The following CPVL variants were observed in gnomAD, a reference collection of about 807,000 sequenced individuals.
CPVL encodes the protein carboxypeptidase vitellogenic like.
A neutral mutation model predicts 63.7 loss-of-function variants in CPVL; 51 were observed. The observed-to-expected ratio is 0.80, with a 90% CI of 0.64 to 1.01. The LOEUF is 1.01. CPVL is among the 50% of genes least tolerant of loss of function. The pLI is 0.00. For missense variants in CPVL, 530 were observed against 573.1 expected (o/e 0.92, Z 0.77); for synonymous variants, 195 against 206.0 (o/e 0.95, Z 0.46).
chr7:29,076,895 A>AT (rs200126147), intron 7 of CPVL, among the ~76,000 whole-genome samples: 271 of 151,958 alleles, frequency 1.8e-3, no homozygotes, highest in African/African-American at 6.1e-3. Context: ...TTGGTTTGCG[A>AT]TTTTTTTTTC....
intron 11 of CPVL, among the ~76,000 whole-genome samples, chr7:29,057,010 G>A (rs148026421): frequency 6.8e-6 from 1 of 147,298 alleles, no homozygotes; most frequent in Non-Finnish European, 1.5e-5. Context: ...GAGTACGGTG[G>A]CACAGTCATG....
intron 1 of CPVL, chr7:29,191,495 G>C (rs1164920047): frequency 6.6e-6 from 1 of 152,254 alleles, no homozygotes; most frequent in African/African-American, 2.4e-5. Context: ...CACCATGAAA[G>C]AGGGTTGCCT....
intron 3 of CPVL, among the ~76,000 whole-genome samples, chr7:29,101,007 C>G (rs1031110652): frequency 6.6e-6 from 1 of 152,262 alleles, no homozygotes; most frequent in Admixed American, 6.5e-5. Flanking sequence ...TCATGATATG[C>G]AGTATAATAT....
At chr7:28,996,121 A>T in intron 12 of CPVL, 1 of 410,210 alleles carries the variant, frequency 2.4e-6, no homozygotes, top group East Asian at 4.7e-5. Context: ...TTCTTTTCTC[A>T]TGAGTGTAAA....
chr7:29,144,615 G>C (rs1190234721), intron 1 of CPVL, among the ~76,000 whole-genome samples: 2 of 152,080 alleles, frequency 1.3e-5, no homozygotes, highest in African/African-American at 4.8e-5. Flanking sequence ...CTAATAAACA[G>C]ATATCTGATG....
intron 3 of CPVL, among the ~76,000 whole-genome samples, chr7:29,111,538 C>T (rs1788231771): frequency 6.6e-6 from 1 of 152,226 alleles, no homozygotes; most frequent in Non-Finnish European, 1.5e-5. Flanking sequence ...GAAGCCCTCT[C>T]TAGGGGCCAA....
intron 3 of CPVL, among the ~76,000 whole-genome samples, chr7:29,111,078 T>C (rs116334960): frequency 2.6e-5 from 4 of 152,366 alleles, no homozygotes; most frequent in African/African-American, 9.6e-5. Flanking sequence ...GTCAGACTTC[T>C]AATCTGCAGA....
At chr7:28,994,732 C>T (rs1326503152), downstream of CPVL, among the ~76,000 whole-genome samples, 3 of 152,162 alleles carry the variant, frequency 2.0e-5, no homozygotes, top group African/African-American at 2.4e-5. Flanking sequence ...TCAGGCACAA[C>T]ATGAGAAATT....
intron 10 of CPVL, among the ~76,000 whole-genome samples, chr7:29,065,306 A>T (rs1783041120): frequency 1.3e-5 from 2 of 152,230 alleles, no homozygotes; most frequent in South Asian, 4.1e-4. Flanking sequence ...TAAATCCAAA[A>T]CTGCAGCATT....
At position 29,038,762 on chromosome 7, in the gene CPVL, C is replaced by T. The variant is rs151227460; in HGVS notation, c.1138-8003G>A. ...TCATGGGTAAAAAAGATCAGTAGGT[C>T]TCAATCCAACACTATCCATTTATTT... On this transcript the variant is annotated intron_variant, in intron 11 of 12. Coordinates refer to ENST00000265394, the MANE Select transcript of CPVL (RefSeq NM_031311.5). 1.6e-3 allele frequency among the ~76,000 whole-genome samples: 239 copies of T among 152,332 alleles called. 1 individual carries two copies. Among genetic ancestry groups the T allele is most frequent in the African/African-American group, 5.3e-3 (220 of 41,574 alleles).
chr7:29,120,752 C>T (rs1453437580), intron 2 of CPVL, 141 bp downstream of exon 2: 2 of 708,470 alleles, frequency 2.8e-6, no homozygotes, highest in Non-Finnish European at 4.5e-6. Flanking sequence ...ACCCGGGAGG[C>T]GGAGGTTGCA....
intron 11 of CPVL, among the ~76,000 whole-genome samples, chr7:29,040,259 C>T (rs1788939776): frequency 6.6e-6 from 1 of 152,166 alleles, no homozygotes; most frequent in Non-Finnish European, 1.5e-5. Flanking sequence ...AGTGCCTTCC[C>T]CCTAAGCAGA....
chr7:29,021,757 G>A (rs1282415748), intron 12 of CPVL, among the ~76,000 whole-genome samples: 1 of 151,856 alleles, frequency 6.6e-6, no homozygotes, highest in Non-Finnish European at 1.5e-5. Context: ...CATCCCCTGA[G>A]ATTCAAGCAG....
At chr7:29,028,870 C>T (rs1787746986) in intron 12 of CPVL, among the ~76,000 whole-genome samples, 1 of 148,948 alleles carries the variant, frequency 6.7e-6, no homozygotes, top group Admixed American at 6.9e-5. Flanking sequence ...AAGGCTGAGG[C>T]AGGAGAATGG....
intron 12 of CPVL, among the ~76,000 whole-genome samples, chr7:28,999,190 C>T (rs1280535186): frequency 3.3e-5 from 5 of 152,040 alleles, no homozygotes; most frequent in East Asian, 1.9e-4. Flanking sequence ...CCAGCCTGGG[C>T]GACAGAGTGA....
chr7:29,173,700 T>C (rs1462246814), intron 5 of CPVL, among the ~76,000 whole-genome samples: 1 of 151,398 alleles, frequency 6.6e-6, no homozygotes, highest in African/African-American at 2.4e-5. Flanking sequence ...TTCCTTACTT[T>C]GGCAGGCTGA....
upstream of CPVL, chr7:29,147,040 G>A (rs2128682531): frequency 2.0e-6 from 3 of 1,533,550 alleles, no homozygotes; most frequent in East Asian, 7.4e-5. Flanking sequence ...CACCTGATGT[G>A]TTCTGTACCA....
chr7:29,087,233 A>T (rs147701080), intron 6 of CPVL, among the ~76,000 whole-genome samples: 1 of 151,882 alleles, frequency 6.6e-6, no homozygotes, highest in Non-Finnish European at 1.5e-5. Flanking sequence ...AGACCAGCCT[A>T]GCCAACATAG....
intron 11 of CPVL, among the ~76,000 whole-genome samples, chr7:29,043,893 G>C (rs959069679): frequency 6.6e-6 from 1 of 152,140 alleles, no homozygotes; most frequent in African/African-American, 2.4e-5. Context: ...AGGGTCAACT[G>C]CCACAGAATT....
Sources: gnomAD v4.1 joint callset for allele counts (sites outside exome capture counted in the v4.1 genomes callset) on GRCh38, gnomAD v4.1.1 for gene constraint, MANE v1.5 for transcripts, NCBI Gene and HGNC (gene_info 2026-07-23, HGNC 2026-07-21) for gene names.